RALGPS1: variants seen among roughly 807,000 people sequenced by gnomAD.
The protein encoded by RALGPS1 is ras-specific guanine nucleotide-releasing factor RalGPS1.
In RALGPS1, 19 loss-of-function variants were observed where a neutral mutation model predicts 78.8. The ratio of observed to expected loss-of-function variants is 0.24; its 90% CI spans 0.17 to 0.35. The LOEUF is 0.35. Ranked by LOEUF, RALGPS1 falls within the 10% of genes least tolerant of loss-of-function variation. The probability of loss-of-function intolerance (pLI) is 1.00; values close to 1 mark genes in which losing one functional copy is unlikely to be tolerated. For synonymous variants in RALGPS1, 228 were observed against 256.3 expected (o/e 0.89, Z 1.06); for missense variants, 454 against 688.3 (o/e 0.66, Z 3.81).
At chr9:126,956,293 G>A (rs933395463) in intron 1 of RALGPS1, among the ~76,000 whole-genome samples, 13 of 152,232 alleles carry the variant, frequency 8.5e-5, no homozygotes, top group African/African-American at 2.9e-4. Context: ...TCTGCTCCCT[G>A]ATACAGAACT....
intron 8 of RALGPS1, among the ~76,000 whole-genome samples, chr9:127,146,184 C>T (rs766718796): frequency 1.3e-5 from 2 of 152,128 alleles, no homozygotes; most frequent in African/African-American, 4.8e-5. Context: ...AGGTAGGGAG[C>T]GTGCTACCTA....
At chr9:126,989,813 A>G (rs2042120800) in intron 4 of RALGPS1, 1 of 1,519,342 alleles carries the variant, frequency 6.6e-7, no homozygotes. Context: ...ATTCGATTTC[A>G]CCCTTCCTGC....
At chr9:127,124,809 A>G (rs2056486573) in intron 8 of RALGPS1, among the ~76,000 whole-genome samples, 1 of 152,214 alleles carries the variant, frequency 6.6e-6, no homozygotes, top group Non-Finnish European at 1.5e-5. Flanking sequence ...TACATTAGTT[A>G]TTGAGTGGAG....
chr9:127,019,315 T>TTTTTA (rs755898486), intron 4 of RALGPS1, among the ~76,000 whole-genome samples: 118 of 152,192 alleles, frequency 7.8e-4, no homozygotes, highest in Non-Finnish European at 9.1e-4. Flanking sequence ...TACTGTTCAT[T>TTTTTA]TTTTATTTTA....
rs540951801 is a variant in RALGPS1, at chr9:127,201,013, A to C, written c.1247+1947A>C. ...CTGCCAGACACCACACGAGTTACTG[A>C]AGGTGTAGCAGATATAGTTCCTGCT... On this transcript the variant is annotated intron_variant, in intron 14 of 18. Coordinates refer to ENST00000259351, the MANE Select transcript of RALGPS1 (RefSeq NM_014636.3). 2.6e-5 allele frequency among the ~76,000 whole-genome samples: 4 copies of C among 152,330 alleles called. No homozygotes were observed. The South Asian group carries it at 8.3e-4, about 32-fold the overall frequency.
chr9:127,058,267 G>A (rs2048911177), intron 7 of RALGPS1, among the ~76,000 whole-genome samples: 1 of 152,248 alleles, frequency 6.6e-6, no homozygotes. Flanking sequence ...AAGCCTGAGA[G>A]AGGAGTTAGA....
At chr9:126,945,661 A>G (rs1286425140) in intron 1 of RALGPS1, among the ~76,000 whole-genome samples, 3 of 152,174 alleles carry the variant, frequency 2.0e-5, no homozygotes, top group South Asian at 2.1e-4. Flanking sequence ...CAGGACCATC[A>G]GGTCCCATTG....
intron 8 of RALGPS1, among the ~76,000 whole-genome samples, chr9:127,127,116 C>A (rs940426431): frequency 1.3e-5 from 2 of 152,152 alleles, no homozygotes; most frequent in South Asian, 4.1e-4. Context: ...GGGGCTTTCT[C>A]TTCTGTAGTT....
chr9:127,116,343 G>T (rs1012187689), intron 8 of RALGPS1, among the ~76,000 whole-genome samples: 1 of 151,978 alleles, frequency 6.6e-6, no homozygotes, highest in African/African-American at 2.4e-5. Flanking sequence ...GTTAGGGAGT[G>T]GGGGAGCTGG....
In RALGPS1 at chr9:127,019,049, TA is replaced by T. The variant is rs201545776; in HGVS notation, c.217-15378del. 8.8e-3 allele frequency among the ~76,000 whole-genome samples: 1,338 copies of T among 152,336 alleles called. 22 individuals are homozygous for T. Among genetic ancestry groups the T allele is most frequent in the African/African-American group, 0.031 (1,270 of 41,574 alleles). On this transcript the variant is annotated intron_variant, in intron 4 of 18. Coordinates refer to ENST00000259351, the MANE Select transcript of RALGPS1 (RefSeq NM_014636.3). Reference sequence around the variant, plus strand: ...TTTTAAAACATGGTATTTGAGAATTTAAAATGTGTGGATTACATTATATTTC... The same window carrying T: ...TTTTAAAACATGGTATTTGAGAATTTAAATGTGTGGATTACATTATATTTC...
intron 8 of RALGPS1, among the ~76,000 whole-genome samples, chr9:127,161,308 A>G (rs2059004582): frequency 6.6e-6 from 1 of 152,130 alleles, no homozygotes; most frequent in African/African-American, 2.4e-5. Flanking sequence ...TCAGCTTCTT[A>G]TGCACTTCAA....
chr9:126,988,964 G>A (rs900344078), intron 4 of RALGPS1, among the ~76,000 whole-genome samples: 7 of 152,128 alleles, frequency 4.6e-5, no homozygotes, highest in Admixed American at 3.9e-4. Context: ...AGAGACAGCC[G>A]ATGGCCTGAA....
intron 8 of RALGPS1, among the ~76,000 whole-genome samples, chr9:127,114,264 C>G (rs527395495): frequency 6.6e-6 from 1 of 152,166 alleles, no homozygotes; most frequent in East Asian, 1.9e-4. Context: ...CACAAAGATA[C>G]TTTTAAGGCT....
chr9:126,931,737 C>CTGAATTCTATGGTTTAAAAGG (rs1432076617), intron 1 of RALGPS1, among the ~76,000 whole-genome samples: 1 of 152,074 alleles, frequency 6.6e-6, no homozygotes, highest in Non-Finnish European at 1.5e-5. Flanking sequence ...CTAAAAATCA[C>CTGAATTCTATGGTTTAAAAGG]TGAATTCTAT....
intron 14 of RALGPS1, among the ~76,000 whole-genome samples, chr9:127,199,556 G>GAGGATCCCTCTGCCTCCCTCA (rs2061515157): frequency 6.6e-6 from 1 of 151,924 alleles, no homozygotes; most frequent in African/African-American, 2.4e-5. Context: ...TGCCTCCCTC[G>GAGGATCCCTCTGCCTCCCTCA]AGGATCCCTC....
intron 1 of RALGPS1, among the ~76,000 whole-genome samples, chr9:126,942,807 T>G (rs1222568358): frequency 1.3e-5 from 2 of 152,250 alleles, no homozygotes; most frequent in East Asian, 3.8e-4. Context: ...TACTGTCTCC[T>G]TATTCCAGGG....
chr9:126,952,351 G>A (rs1188262351), intron 1 of RALGPS1, among the ~76,000 whole-genome samples: 1 of 152,158 alleles, frequency 6.6e-6, no homozygotes, highest in African/African-American at 2.4e-5. Flanking sequence ...AGTTGAGGAG[G>A]GAGCCGGTAA....
chr9:127,044,763 T>A (rs2047608296), intron 5 of RALGPS1, among the ~76,000 whole-genome samples: 1 of 152,148 alleles, frequency 6.6e-6, no homozygotes, highest in South Asian at 2.1e-4. Flanking sequence ...CCCCAGTGTG[T>A]GTTGTTCCCA....
intron 4 of RALGPS1, among the ~76,000 whole-genome samples, chr9:126,995,571 C>T (rs1267889321): frequency 2.0e-5 from 3 of 152,120 alleles, no homozygotes; most frequent in African/African-American, 7.2e-5. Context: ...GACTCCCACA[C>T]AATAATAATG....
Sources: allele counts gnomAD v4.1 joint callset (sites outside exome capture counted in the v4.1 genomes callset), GRCh38; gene constraint gnomAD v4.1.1; transcripts MANE v1.5; gene names NCBI Gene and HGNC (gene_info 2026-07-23, HGNC 2026-07-21).